Variants in ZNF845 observed in about 807,000 individuals in gnomAD.
ZNF845 encodes zinc finger protein 845.
Under a neutral mutation model 76.1 loss-of-function variants are expected in ZNF845, and 59 were observed. That is an observed-to-expected ratio of 0.78 (90% CI 0.63 to 0.96). The LOEUF is 0.96. ZNF845 is among the 40% of genes least tolerant of loss of function. ZNF845 has a pLI of 0.00. For missense variants in ZNF845, 1,045 were observed against 1,172.8 expected (o/e 0.89, Z 1.59); for synonymous variants, 361 against 386.9 (o/e 0.93, Z 0.78).
At position 53,351,866 on chromosome 19, in the gene ZNF845, C is replaced by T. The variant is rs1030449770; in HGVS notation, c.1191C>T (p.Ser397=). Residue 397 remains serine, a synonymous_variant, in exon 4 of 4, where the codon TCC becomes TCT. Transcript: ENST00000458035. ...GCAGGACCTTTAGTCGGAAGTCATC[C>T]CTTACACGCCATCGTAGACTTCATA... ...ECSRTFSRKS[S]LTRHRRLHTG... The T allele has an allele frequency of 1.2e-6, 2 of 1,613,514 alleles. No homozygotes were observed. The highest frequency in any genetic ancestry group is 1.7e-6 in the Non-Finnish European group (2 of 1,179,900).
chr19:53,350,670 T>C, intron 3 of ZNF845, 148 bp from the exon 4 acceptor site: 1 of 1,076,806 alleles, frequency 9.3e-7, no homozygotes, highest in Non-Finnish European at 1.3e-6. Context: ...TATTTATTGA[T>C]GAATCTTACC....
Position 53,352,091 on chromosome 19 carries a change from T to C in ZNF845, c.1416T>C (p.Cys472=), listed in dbSNP as rs2085343023. ...TGEKPYKCND[C]GKTFSQTSSL... ...AGAAACCTTACAAGTGTAATGATTG[T>C]GGCAAGACCTTCAGTCAGACATCAT... The change falls in exon 4 of 4, where the codon TGT becomes TGC. Residue 472 remains cysteine (C), a synonymous_variant. Transcript: ENST00000458035. 1 of 1,613,820 alleles carries C rather than the reference T, an allele frequency of 6.2e-7. No homozygotes were observed. The highest frequency in any genetic ancestry group is 8.5e-7 in the Non-Finnish European group (1 of 1,179,956).
chr19:53,340,320 G>T (rs2085247377), intron 1 of ZNF845, among the ~76,000 whole-genome samples: 1 of 152,194 alleles, frequency 6.6e-6, no homozygotes, highest in Non-Finnish European at 1.5e-5. Context: ...CCAACGTGCT[G>T]GGATTGCAGG....
Position 53,350,840 on chromosome 19 carries a change from G to A in ZNF845, c.165G>A (p.Met55Ile). The stretch of plus-strand genomic sequence containing the variant: ...TAGATATCTCTTCCAAATGCATGAT[G>A]AAGGAGTTCTCATCAACAGCACAAG... Reference protein sequence around the residue: ...VSLDISSKCMMKEFSSTAQGN... With the variant: ...VSLDISSKCMIKEFSSTAQGN... Residue 55 changes from methionine (M) to isoleucine (I), a missense_variant, in exon 4 of 4, where the codon ATG becomes ATA. Met to Ile is a conservative substitution (Grantham distance 10). Coordinates refer to ENST00000458035, the MANE Select transcript of ZNF845 (RefSeq NM_138374.3). The A allele has an allele frequency of 1.9e-6, 3 of 1,613,826 alleles. No individual in the cohort carries two copies. Among genetic ancestry groups the A allele is most frequent in the South Asian group, 1.1e-5 (1 of 90,994 alleles).
intron 3 of ZNF845, among the ~76,000 whole-genome samples, chr19:53,346,969 C>T (rs936216724): frequency 4.0e-5 from 6 of 151,772 alleles, no homozygotes; most frequent in Admixed American, 2.0e-4. Flanking sequence ...CTGCAACCTC[C>T]GACTTCTGGG....
At chr19:53,337,208 C>G (rs190871459) in intron 1 of ZNF845, 3 of 456,340 alleles carry the variant, frequency 6.6e-6, no homozygotes, top group Non-Finnish European at 1.3e-5. Flanking sequence ...TGCTCTTACC[C>G]TGTGTTCCTA....
Position 53,341,201 on chromosome 19 carries a change from T to G in ZNF845, c.-73-34T>G. 5 of 1,515,142 alleles carry G rather than the reference T, an allele frequency of 3.3e-6. No individual in the cohort carries two copies. In the South Asian group the frequency reaches 5.7e-5, roughly 17 times the overall value. 93.9% of individuals were successfully genotyped at this position (1,515,142 alleles called of 1,614,324 possible). A position where few individuals can be genotyped will look rare whatever the true frequency, so the allele number is the denominator to read the frequency against. On this transcript the variant is annotated intron_variant, in intron 1 of 3. Transcript: ENST00000458035. ...GTGTTAACGGAGGGGGTGTGTTGATTCTGAGCAATAAACAACATATTTTTA... is the reference window on the plus strand; with the variant it reads ...GTGTTAACGGAGGGGGTGTGTTGATGCTGAGCAATAAACAACATATTTTTA...
chr19:53,353,400 C>G lies in ZNF845; in HGVS notation c.2725C>G (p.His909Asp). ...ACACCTTGCATGTCATCATAGAATT[C>G]ATACTGGAGAGAAACCTTACAAGTG... ...QAHLACHHRI[H>D]TGEKPYKCNE... Residue 909 changes from histidine to aspartate, a missense_variant, in exon 4 of 4, where the codon CAT (histidine) becomes GAT (aspartate). By Grantham distance (81) the His-to-Asp change is moderately conservative. Coordinates refer to ENST00000458035, the MANE Select transcript of ZNF845 (RefSeq NM_138374.3). 1 of 1,613,716 alleles carries G rather than the reference C, an allele frequency of 6.2e-7. No homozygotes were observed. The highest frequency in any genetic ancestry group is 1.3e-5 in the African/African-American group (1 of 74,944).
chr19:53,345,552 A>C lies in ZNF845; in HGVS notation c.62A>C (p.Glu21Ala). 1 of 1,613,432 alleles carries C rather than the reference A, an allele frequency of 6.2e-7. No homozygotes were observed. Among genetic ancestry groups the C allele is most frequent in the Non-Finnish European group, 8.5e-7 (1 of 1,179,450 alleles). Reference protein sequence around the residue: ...RDVAIEFSQEEWKCLDPAQRT... With the variant: ...RDVAIEFSQEAWKCLDPAQRT... The stretch of plus-strand genomic sequence containing the variant: ...GTGGCCATAGAATTCTCTCAGGAAG[A>C]GTGGAAGTGCCTGGACCCTGCTCAG... Residue 21 changes from glutamate to alanine, a missense_variant, in exon 3 of 4, where the codon GAG (glutamate) becomes GCG (alanine). Coordinates refer to ENST00000458035, the MANE Select transcript of ZNF845 (RefSeq NM_138374.3).
intron 3 of ZNF845, among the ~76,000 whole-genome samples, chr19:53,349,290 TTTTTTG>T (rs1280852053): frequency 1.3e-5 from 2 of 151,850 alleles, no homozygotes; most frequent in African/African-American, 4.8e-5. Flanking sequence ...TTTTTTTCTG[TTTTTTG>T]TTTTTGTTTT....
intron 2 of ZNF845, 104 bp downstream of exon 2, chr19:53,341,426 G>C (rs910562352): frequency 8.5e-6 from 13 of 1,533,380 alleles, no homozygotes; most frequent in Non-Finnish European, 1.1e-5. Flanking sequence ...TGCCTGACAG[G>C]TTTGCTCGCA....
At chr19:53,345,749 C>A in intron 3 of ZNF845, 117 bp downstream of exon 3, 1 of 1,536,134 alleles carries the variant, frequency 6.5e-7, no homozygotes, top group South Asian at 1.3e-5. Flanking sequence ...ATGGTGTGAT[C>A]ATGTCTTACT....
intron 2 of ZNF845, among the ~76,000 whole-genome samples, chr19:53,344,644 T>TGTTATGTTATGTTATGTTATGTTATG (rs1347350507): frequency 3.3e-4 from 50 of 150,916 alleles, no homozygotes; most frequent in Admixed American, 8.0e-4. Flanking sequence ...TTTTATTTTA[T>TGTTATGTTATGTTATGTTATGTTATG]TTTGGGATGG....
At chr19:53,337,954 G>A (rs1336471098) in intron 1 of ZNF845, among the ~76,000 whole-genome samples, 1 of 152,148 alleles carries the variant, frequency 6.6e-6, no homozygotes, top group Non-Finnish European at 1.5e-5. Flanking sequence ...GTCTGCCTAG[G>A]CCTACCCGTG....
chr19:53,350,157 G>C (rs1314792334), intron 3 of ZNF845, among the ~76,000 whole-genome samples: 2 of 48,424 alleles, frequency 4.1e-5, no homozygotes, highest in Non-Finnish European at 1.0e-4. Context: ...TTTTTTTTTC[G>C]AGATGGACTC....
chr19:53,349,123 C>T (rs1048591235), intron 3 of ZNF845, among the ~76,000 whole-genome samples: 1 of 151,952 alleles, frequency 6.6e-6, no homozygotes, highest in Non-Finnish European at 1.5e-5. Context: ...TCCCAAAGTG[C>T]TGGGATTACA....
Position 53,353,102 on chromosome 19 carries a change from C to G in ZNF845, c.2427C>G (p.Gly809=), listed in dbSNP as rs772696886. Residue 809 remains glycine, a synonymous_variant, in exon 4 of 4, where the codon GGC becomes GGG. Coordinates refer to ENST00000458035, the MANE Select transcript of ZNF845 (RefSeq NM_138374.3). ...AACCTTACAAGTGTAATGAATGTGG[C>G]AAGAACTTCCGTCACAATTCAGCCC... ...GEKPYKCNEC[G]KNFRHNSALV... 2.5e-6 allele frequency: 4 copies of G among 1,600,362 alleles called. No homozygotes were observed. The South Asian group carries it at 4.4e-5, about 18-fold the overall frequency.
In ZNF845 at chr19:53,353,623, A is replaced by C. The variant is rs971906184; in HGVS notation, c.*35A>C. Reference sequence around the variant, plus strand: ...GAATGTGACAAAGTTTACAGTTGTAAATCAAGTCTTGAAAGACAGGAGAAT... The same window carrying C: ...GAATGTGACAAAGTTTACAGTTGTACATCAAGTCTTGAAAGACAGGAGAAT... On this transcript the variant is annotated 3_prime_UTR_variant, in exon 4 of 4. Coordinates refer to ENST00000458035, the MANE Select transcript of ZNF845 (RefSeq NM_138374.3). The C allele has an allele frequency of 6.5e-7, 1 of 1,538,410 alleles. No homozygotes were observed. Among genetic ancestry groups the C allele is most frequent in the Middle Eastern group, 1.7e-4 (1 of 5,782 alleles).
rs1161955105 is a variant in ZNF845, at chr19:53,350,837, G to A, written c.162G>A (p.Met54Ile). The change falls in exon 4 of 4, where the codon ATG becomes ATA. Residue 54 changes from methionine to isoleucine, a missense_variant. Met to Ile is a conservative substitution (Grantham distance 10). Transcript: ENST00000458035. Reference sequence around the variant, plus strand: ...TTCTAGATATCTCTTCCAAATGCATGATGAAGGAGTTCTCATCAACAGCAC... The same window carrying A: ...TTCTAGATATCTCTTCCAAATGCATAATGAAGGAGTTCTCATCAACAGCAC... ...LVSLDISSKC[M>I]MKEFSSTAQG... The A allele has an allele frequency of 6.2e-6, 10 of 1,613,596 alleles. No individual in the cohort carries two copies. Among genetic ancestry groups the A allele is most frequent in the Non-Finnish European group, 7.6e-6 (9 of 1,179,858 alleles).
Sources: gnomAD v4.1 joint callset for allele counts (sites outside exome capture counted in the v4.1 genomes callset) on GRCh38, gnomAD v4.1.1 for gene constraint, MANE v1.5 for transcripts, NCBI Gene and HGNC (gene_info 2026-07-23, HGNC 2026-07-21) for gene names.